GNA14: variants seen among roughly 807,000 people sequenced by gnomAD.
GNA14 encodes G protein subunit alpha 14, also known as guanine nucleotide-binding protein subunit alpha-14.
A neutral mutation model predicts 42.0 loss-of-function variants in GNA14; 50 were observed. That is an observed-to-expected ratio of 1.19 (90% CI 0.95 to 1.51). The LOEUF is 1.51. Ranked by LOEUF, GNA14 falls within the 40% of genes most tolerant of loss-of-function variation. The pLI is 0.00. For missense variants in GNA14, 473 were observed against 446.2 expected, an observed-to-expected ratio of 1.06 and a Z score of -0.54; for synonymous variants, 173 against 163.1, an observed-to-expected ratio of 1.06 and a Z score of -0.46.
At chr9:77,500,990 C>T (rs999064280) in intron 2 of GNA14, among the ~76,000 whole-genome samples, 2 of 151,688 alleles carry the variant, frequency 1.3e-5, no homozygotes, top group African/African-American at 2.4e-5. Context: ...GAATCTCGCT[C>T]TGTCACCAGG....
intron 2 of GNA14, among the ~76,000 whole-genome samples, chr9:77,475,530 A>G (rs974292389): frequency 1.3e-5 from 2 of 151,712 alleles, no homozygotes; most frequent in African/African-American, 4.9e-5. Context: ...AACAGTAGAG[A>G]GAGCTGGGGG....
intron 2 of GNA14, among the ~76,000 whole-genome samples, chr9:77,478,009 G>C (rs1390345986): frequency 6.7e-6 from 1 of 148,398 alleles, no homozygotes; most frequent in African/African-American, 2.5e-5. Context: ...AAAACAGAAT[G>C]AGAGACCTTT....
chr9:77,452,564 G>GTA (rs1835922541), intron 2 of GNA14, among the ~76,000 whole-genome samples: 15 of 132,172 alleles, frequency 1.1e-4, no homozygotes, highest in South Asian at 2.4e-4. Context: ...GTGTGTGTGT[G>GTA]TGTGTGTATG....
intron 2 of GNA14, among the ~76,000 whole-genome samples, chr9:77,506,602 A>T (rs1247231828): frequency 6.6e-6 from 1 of 152,098 alleles, no homozygotes; most frequent in Non-Finnish European, 1.5e-5. Flanking sequence ...GCTTGAACCC[A>T]GGAGGCGGAG....
intron 1 of GNA14, among the ~76,000 whole-genome samples, chr9:77,630,925 C>T (rs2118004698): frequency 6.6e-6 from 1 of 152,298 alleles, no homozygotes; most frequent in South Asian, 2.1e-4. Context: ...TCATCCTATA[C>T]CCTTCCCCCA....
intron 2 of GNA14, among the ~76,000 whole-genome samples, chr9:77,528,795 T>C (rs914178005): frequency 6.6e-6 from 1 of 152,156 alleles, no homozygotes; most frequent in African/African-American, 2.4e-5. Flanking sequence ...TATGACTTCC[T>C]TTTCTCAGCG....
At chr9:77,647,492 G>A (rs565419241) in intron 1 of GNA14, among the ~76,000 whole-genome samples, 178 bp downstream of exon 1, 3 of 152,272 alleles carry the variant, frequency 2.0e-5, no homozygotes, top group African/African-American at 4.8e-5. Flanking sequence ...AGCCAGAGAT[G>A]GAAAGAACAG....
rs557502445 is a variant in GNA14 at position 77,566,169 on chromosome 9, T to C, written c.125-36916A>G. On this transcript the variant is annotated intron_variant, in intron 1 of 6. Coordinates refer to ENST00000341700, the MANE Select transcript of GNA14 (RefSeq NM_004297.4). ...TCTTTTTTTTTTTTTTTTTTTTTTT[T>C]TCTGAGACAGGGTCTCACTCTGTCA... 1.2e-3 allele frequency among the ~76,000 whole-genome samples: 165 copies of C among 133,060 alleles called. 1 individual carries two copies. The East Asian group carries it at 0.025, about 21-fold the overall frequency. 87.3% of individuals were successfully genotyped at this position (133,060 alleles called of 152,430 possible).
At chr9:77,626,904 T>C (rs1824020279) in intron 1 of GNA14, among the ~76,000 whole-genome samples, 1 of 151,982 alleles carries the variant, frequency 6.6e-6, no homozygotes, top group Non-Finnish European at 1.5e-5. Context: ...CTGAAGAAGA[T>C]AGAGACACGA....
At position 77,476,795 on chromosome 9, in the gene GNA14, C is replaced by T. The variant is rs185586755; in HGVS notation, c.310-42273G>A. The stretch of plus-strand genomic sequence containing the variant: ...ACTTAACAGGAGAGAAAGCTGAAAC[C>T]TTGTATCTCTTGGGGAGAAACCCAA... On this transcript the variant is annotated intron_variant, in intron 2 of 6. Transcript: ENST00000341700. Among the ~76,000 whole-genome samples the T allele has an allele frequency of 3.4e-3, 518 of 152,262 alleles. 10 individuals are homozygous for T. The highest frequency in any genetic ancestry group is 0.03 in the Admixed American group (466 of 15,286).
chr9:77,424,232 CTTTTT>C, intron 6 of GNA14, 63 bp from the exon 7 acceptor site: 1 of 1,196,046 alleles, frequency 8.4e-7, no homozygotes, highest in Non-Finnish European at 1.2e-6. Context: ...TCCCAAGAAC[CTTTTT>C]TTTGAGACAG....
intron 1 of GNA14, among the ~76,000 whole-genome samples, chr9:77,564,180 C>A (rs1218365627): frequency 1.3e-5 from 2 of 151,950 alleles, no homozygotes; most frequent in Non-Finnish European, 1.5e-5. Flanking sequence ...CTATTCCTTT[C>A]TCCACATGTG....
In GNA14 at chr9:77,644,437, C is replaced by CCAAAAAAAAAAAAAAA. The variant is rs778013639; in HGVS notation, c.124+3232_124+3233insTTTTTTTTTTTTTTTG. ...TACTGAACTCCAACCTAAAGAGTGT[C>CCAAAAAAAAAAAAAAA]AAAAAAAAAAAAAAAAAAAAAAAAA... On this transcript the variant is annotated intron_variant, in intron 1 of 6. Coordinates refer to ENST00000341700, the MANE Select transcript of GNA14 (RefSeq NM_004297.4). Among the ~76,000 whole-genome samples, 97 of 34,020 alleles carry CCAAAAAAAAAAAAAAA rather than the reference C, an allele frequency of 2.9e-3. 2 individuals are homozygous for CCAAAAAAAAAAAAAAA. The highest frequency in any genetic ancestry group is 4.3e-3 in the African/African-American group (37 of 8,580). The allele number at this position is 34,020 out of a possible 152,430, so 22.3% of individuals were successfully genotyped here. A position where few individuals can be genotyped will look rare whatever the true frequency, so the allele number is the denominator to read the frequency against.
chr9:77,482,568 G>A (rs891587554), intron 2 of GNA14, among the ~76,000 whole-genome samples: 16 of 152,028 alleles, frequency 1.1e-4, no homozygotes, highest in Non-Finnish European at 1.9e-4. Context: ...TCTTTGTGGA[G>A]TTCTCTGTAT....
At chr9:77,604,286 G>T (rs1823616521) in intron 1 of GNA14, among the ~76,000 whole-genome samples, 3 of 152,176 alleles carry the variant, frequency 2.0e-5, no homozygotes, top group African/African-American at 7.2e-5. Context: ...CCTGTGCTTT[G>T]TATTTAGAGA....
chr9:77,484,431 A>G (rs1242643272), intron 2 of GNA14, among the ~76,000 whole-genome samples: 6 of 152,084 alleles, frequency 3.9e-5, no homozygotes, highest in Middle Eastern at 3.4e-3. Flanking sequence ...TTATATAATC[A>G]TAAGTGATAA....
intron 2 of GNA14, among the ~76,000 whole-genome samples, chr9:77,512,004 A>T (rs908282066): frequency 1.3e-5 from 2 of 152,116 alleles, no homozygotes; most frequent in Admixed American, 1.3e-4. Context: ...TCCCGGCCCT[A>T]CCTTGGAGCC....
chr9:77,423,896 G>T lies in GNA14; in HGVS notation c.*83C>A. 1.1e-6 allele frequency: 1 copy of T among 943,160 alleles called. No homozygotes were observed. Among genetic ancestry groups the T allele is most frequent in the East Asian group, 2.6e-5 (1 of 38,634 alleles). The allele number at this position is 943,160 out of a possible 1,614,324, so 58.4% of individuals were successfully genotyped here. On this transcript the variant is annotated 3_prime_UTR_variant, in exon 7 of 7. Transcript: ENST00000341700. The stretch of plus-strand genomic sequence containing the variant: ...TAGTTCCTGGCATGGGGCTGGCTCT[G>T]GTGATGTCAGAAGCACTTGCAAATA...
chr9:77,576,181 A>G lies in GNA14; in HGVS notation c.125-46928T>C, dbSNP rs377145808. On this transcript the variant is annotated intron_variant, in intron 1 of 6. Transcript: ENST00000341700. ...GTTCAATATCATGGCTTGTTAAGGG[A>G]GAGAGATTGAGGGATATGGTGAGGG... 5.0e-3 allele frequency among the ~76,000 whole-genome samples: 767 copies of G among 152,216 alleles called. 6 individuals carry two copies. Among genetic ancestry groups the G allele is most frequent in the Middle Eastern group, 0.017 (5 of 294 alleles).
Sources: gnomAD v4.1 joint callset for allele counts (sites outside exome capture counted in the v4.1 genomes callset) on GRCh38, gnomAD v4.1.1 for gene constraint, MANE v1.5 for transcripts, NCBI Gene and HGNC (gene_info 2026-07-23, HGNC 2026-07-21) for gene names.